The following THADA variants were observed in gnomAD, a reference collection of about 807,000 sequenced individuals.
THADA encodes the protein THADA armadillo repeat containing.
Under a neutral mutation model 219.8 loss-of-function variants are expected in THADA, and 213 were observed. The observed-to-expected ratio is 0.97, with a 90% confidence interval of 0.87 to 1.09. The LOEUF is 1.09. Among genes scored for constraint, THADA ranks in the 50% least tolerant of loss-of-function variants. The probability of loss-of-function intolerance (pLI) is 0.00; values close to 1 mark genes in which losing one functional copy is unlikely to be tolerated. For synonymous variants in THADA, 1,018 were observed against 828.9 expected (o/e 1.23, Z -3.92); for missense variants, 2,956 against 2,311.3 (o/e 1.28, Z -5.72).
intron 29 of THADA, among the ~76,000 whole-genome samples, chr2:43,377,154 C>A (rs1363898331): frequency 6.6e-6 from 1 of 152,192 alleles, no homozygotes; most frequent in Non-Finnish European, 1.5e-5. Flanking sequence ...TCTGAGCTAC[C>A]TGTGGAGGAG....
chr2:43,465,731 C>G (rs1684151597), intron 26 of THADA, among the ~76,000 whole-genome samples: 1 of 152,184 alleles, frequency 6.6e-6, no homozygotes, highest in Non-Finnish European at 1.5e-5. Context: ...AAAATACCAC[C>G]TACGGATGAC....
chr2:43,477,487 C>G (rs1215009208), intron 26 of THADA, among the ~76,000 whole-genome samples: 1 of 152,200 alleles, frequency 6.6e-6, no homozygotes, highest in Non-Finnish European at 1.5e-5. Flanking sequence ...AAACATAGGA[C>G]ATATATTCCC....
intron 24 of THADA, among the ~76,000 whole-genome samples, chr2:43,505,237 G>A (rs1689515847): frequency 1.3e-5 from 2 of 151,920 alleles, no homozygotes; most frequent in East Asian, 3.9e-4. Flanking sequence ...ATATAAGCTG[G>A]ATGTTTTCAC....
intron 26 of THADA, among the ~76,000 whole-genome samples, chr2:43,460,498 G>A (rs553930120): frequency 3.9e-5 from 6 of 152,232 alleles, no homozygotes; most frequent in African/African-American, 1.4e-4. Flanking sequence ...GTACTCAGTG[G>A]TTCTGAAAAT....
chr2:43,356,723 T>G (rs148140405), intron 29 of THADA, among the ~76,000 whole-genome samples: 57 of 152,336 alleles, frequency 3.7e-4, no homozygotes, highest in African/African-American at 1.3e-3. Flanking sequence ...CCAATAAGTA[T>G]TTATGCCTTA....
chr2:43,298,526 C>A (rs1490560958), intron 31 of THADA, among the ~76,000 whole-genome samples: 1 of 146,472 alleles, frequency 6.8e-6, no homozygotes, highest in Non-Finnish European at 1.5e-5. Flanking sequence ...ATCTGCTGAC[C>A]TTCCCTCCAC....
chr2:43,385,338 G>A (rs1353376175), intron 29 of THADA, among the ~76,000 whole-genome samples: 5 of 152,140 alleles, frequency 3.3e-5, no homozygotes, highest in South Asian at 4.1e-4. Flanking sequence ...TGGGTGCGGT[G>A]GCTCATGCCT....
At chr2:43,242,241 G>T (rs993341857) in intron 36 of THADA, among the ~76,000 whole-genome samples, 2 of 152,176 alleles carry the variant, frequency 1.3e-5, no homozygotes, top group African/African-American at 4.8e-5. Flanking sequence ...GATACCACCC[G>T]CTTAGCACTT....
At chr2:43,570,614 C>T (rs561179158) in intron 13 of THADA, 104 bp from the exon 14 acceptor site, 2 of 1,217,764 alleles carry the variant, frequency 1.6e-6, no homozygotes, top group East Asian at 5.2e-5. Flanking sequence ...AAGAAGAGTA[C>T]AGATTTTTAA....
At chr2:43,592,965 C>A (rs1038257452) in intron 1 of THADA, 1 of 152,150 alleles carries the variant, frequency 6.6e-6, no homozygotes, top group Non-Finnish European at 1.5e-5. Context: ...AACAAATCAA[C>A]GGGTTCATAA....
At chr2:43,404,757 C>T (rs1050098812) in intron 28 of THADA, among the ~76,000 whole-genome samples, 1 of 152,118 alleles carries the variant, frequency 6.6e-6, no homozygotes, top group Non-Finnish European at 1.5e-5. Flanking sequence ...TGGAATCCAG[C>T]AGACCTAAGT....
At chr2:43,457,863 C>T (rs1228179497) in intron 26 of THADA, among the ~76,000 whole-genome samples, 4 of 151,932 alleles carry the variant, frequency 2.6e-5, no homozygotes, top group Non-Finnish European at 5.9e-5. Flanking sequence ...AAGTCTATTC[C>T]ATTCTTTCTG....
intron 7 of THADA, among the ~76,000 whole-genome samples, chr2:43,583,594 A>G (rs1457786509): frequency 6.6e-6 from 1 of 152,256 alleles, no homozygotes. Flanking sequence ...CAGAGACTCA[A>G]AGATATACTT....
Position 43,566,828 on chromosome 2 carries a change from A to AG in THADA, c.2188-8_2188-7insC. 1 of 1,438,908 alleles carries AG rather than the reference A, an allele frequency of 6.9e-7. No individual in the cohort carries two copies. The highest frequency in any genetic ancestry group is 9.1e-7 in the Non-Finnish European group (1 of 1,095,382). The allele number at this position is 1,438,908 out of a possible 1,614,324, so 89.1% of individuals were successfully genotyped here. A position where few individuals can be genotyped will look rare whatever the true frequency, so the allele number is the denominator to read the frequency against. On this transcript the variant is annotated splice_region_variant and splice_polypyrimidine_tract_variant and intron_variant, in intron 14 of 37. Coordinates refer to ENST00000405975, the MANE Select transcript of THADA (RefSeq NM_022065.5). ...AAATGGATGACATGAAATTCTTAAA[A>AG]AAAAAAAAAAAATTACAGTAAGTAT... is the stretch of plus-strand genomic sequence containing the variant.
chr2:43,542,834 A>G (rs1405345906), intron 20 of THADA, among the ~76,000 whole-genome samples: 2 of 152,156 alleles, frequency 1.3e-5, no homozygotes, highest in East Asian at 3.8e-4. Flanking sequence ...AACAGCACCT[A>G]ATAGGCTGGT....
chr2:43,588,154 G>A lies in THADA; in HGVS notation c.303-1152C>T, dbSNP rs532299114. ...ATGTGAACATATAACACAATAAGGT[G>A]GCATTCCAAATATGTGGGCAAAGAT... On this transcript the variant is annotated intron_variant, in intron 4 of 37. Coordinates refer to ENST00000405975, the MANE Select transcript of THADA (RefSeq NM_022065.5). Among the ~76,000 whole-genome samples, 176 of 152,018 alleles carry A rather than the reference G, an allele frequency of 1.2e-3. 3 individuals carry two copies. Among genetic ancestry groups the A allele is most frequent in the Non-Finnish European group, 2.0e-3 (133 of 67,976 alleles).
At chr2:43,420,654 C>A (rs530958810) in intron 28 of THADA, among the ~76,000 whole-genome samples, 1 of 152,320 alleles carries the variant, frequency 6.6e-6, no homozygotes, top group South Asian at 2.1e-4. Context: ...AAGAGGTGAA[C>A]TCCTCATTCC....
intron 26 of THADA, among the ~76,000 whole-genome samples, chr2:43,473,251 G>A (rs776057167): frequency 7.2e-5 from 11 of 151,996 alleles, no homozygotes; most frequent in Admixed American, 1.3e-4. Flanking sequence ...TATTCTATAA[G>A]CTTTTCCTAT....
chr2:43,420,755 T>C (rs1440918743), intron 28 of THADA, among the ~76,000 whole-genome samples: 3 of 152,170 alleles, frequency 2.0e-5, no homozygotes, highest in Non-Finnish European at 4.4e-5. Context: ...AACTAACAGA[T>C]AAAAATTGGT....
Sources: gnomAD v4.1 joint callset for allele counts (sites outside exome capture counted in the v4.1 genomes callset) on GRCh38, gnomAD v4.1.1 for gene constraint, MANE v1.5 for transcripts, NCBI Gene and HGNC (gene_info 2026-07-23, HGNC 2026-07-21) for gene names.